Variants in GSTA1 observed in about 807,000 individuals in gnomAD.
GSTA1 encodes glutathione S-transferase alpha 1.
In GSTA1, 23 loss-of-function variants were observed where a neutral mutation model predicts 21.5. The ratio of observed to expected loss-of-function variants is 1.07; its 90% CI spans 0.77 to 1.52. The LOEUF (loss-of-function observed/expected upper bound fraction) is 1.52. GSTA1 is among the 40% of genes most tolerant of loss of function. The pLI, the probability that GSTA1 is intolerant of heterozygous loss-of-function variation, is 0.00. For missense variants in GSTA1, 301 were observed against 264.2 expected (o/e 1.14, Z -0.96); for synonymous variants, 125 against 90.0 (o/e 1.39, Z -2.20).
chr6:52,796,232 G>A lies in GSTA1; in HGVS notation c.222C>T (p.Tyr74=), dbSNP rs1428182772. The A allele has an allele frequency of 6.2e-7, 1 of 1,613,660 alleles. No individual in the cohort carries two copies. Among genetic ancestry groups the A allele is most frequent in the African/African-American group, 1.3e-5 (1 of 74,754 alleles). Reference sequence around the variant, plus strand: ...CATAGAGGTTGTATTTGCTGGCAATGTAGTTGAGAATGGCTCTGGTCTGCA... The same window carrying A: ...CATAGAGGTTGTATTTGCTGGCAATATAGTTGAGAATGGCTCTGGTCTGCA... ...KLVQTRAILN[Y]IASKYNLYGK... is the part of the protein sequence containing the mutation. The change falls in exon 4 of 7, where the codon TAC becomes TAT. Residue 74 remains tyrosine (Y), a synonymous_variant. Coordinates refer to ENST00000334575, the MANE Select transcript of GSTA1 (RefSeq NM_145740.5).
At chr6:52,801,082 T>C (rs1035683438) in intron 1 of GSTA1, among the ~76,000 whole-genome samples, 5 of 152,106 alleles carry the variant, frequency 3.3e-5, no homozygotes, top group Non-Finnish European at 7.4e-5. Context: ...GGTTTCAGCA[T>C]GTTGGACAGT....
rs1051873 is a variant in GSTA1, at chr6:52,792,886, G to C, written c.516C>G (p.Ser172=). 7 of 1,614,030 alleles carry C rather than the reference G, an allele frequency of 4.3e-6. No homozygotes were observed. Among genetic ancestry groups the C allele is most frequent in the South Asian group, 1.1e-5 (1 of 91,070 alleles). The part of the protein sequence containing the change: ...ELLYYVEELD[S]SLISSFPLLK... ...GCAGAGGGAAGCTGGAGATAAGACT[G>C]GAGTCAAGCTCCTCGACGTAGTAGA... Residue 172 remains serine (S), a synonymous_variant, in exon 6 of 7, where the codon TCC becomes TCG. Transcript: ENST00000334575.
At chr6:52,800,826 T>C (rs991577237) in intron 1 of GSTA1, among the ~76,000 whole-genome samples, 1 of 152,238 alleles carries the variant, frequency 6.6e-6, no homozygotes, top group Non-Finnish European at 1.5e-5. Context: ...CAAAGTTTTG[T>C]GGTTGTTGAG....
chr6:52,794,058 G>C (rs1303044670), intron 5 of GSTA1, 67 bp downstream of exon 5: 1 of 1,591,066 alleles, frequency 6.3e-7, no homozygotes, highest in Non-Finnish European at 8.6e-7. Flanking sequence ...ACCCAGGAAT[G>C]CCCAGCCACT....
At chr6:52,796,839 C>A (rs1763602698) in intron 3 of GSTA1, among the ~76,000 whole-genome samples, 2 of 151,956 alleles carry the variant, frequency 1.3e-5, no homozygotes, top group Admixed American at 1.3e-4. Flanking sequence ...TGCACCCAGT[C>A]CAAACAACAT....
chr6:52,794,039 A>T, intron 5 of GSTA1, 86 bp downstream of exon 5: 1 of 1,523,336 alleles, frequency 6.6e-7, no homozygotes, highest in Non-Finnish European at 9.1e-7. Context: ...CTGAAAGTGA[A>T]GATCAGTGAC....
At position 52,796,294 on chromosome 6, in the gene GSTA1, G is replaced by A. The variant is rs1763579905; in HGVS notation, c.160C>T (p.Gln54Ter). ...LRNDGYLMFQ[Q>*]VPMVEIDGMK... is the part of the protein sequence containing the mutation. ...CCATCAATCTCAACCATTGGCACTT[G>A]CTGGAACATCAAATATCCATCTTTA... Residue 54 changes from glutamine to a stop codon, truncating the protein, a stop_gained, in exon 4 of 7, where the codon CAA becomes TAA. Coordinates refer to ENST00000334575, the MANE Select transcript of GSTA1 (RefSeq NM_145740.5). LOFTEE classifies it high-confidence loss of function. The A allele has an allele frequency of 6.2e-7, 1 of 1,613,416 alleles. No homozygotes were observed. The highest frequency in any genetic ancestry group is 1.1e-5 in the South Asian group (1 of 91,046).
intron 3 of GSTA1, among the ~76,000 whole-genome samples, chr6:52,796,694 C>A (rs1490962752): frequency 6.6e-6 from 1 of 150,436 alleles, no homozygotes; most frequent in Non-Finnish European, 1.5e-5. Context: ...AGCCATGCAC[C>A]AGTGCACATG....
intron 1 of GSTA1, 133 bp from the exon 2 acceptor site, chr6:52,799,430 T>C (rs1020994319): frequency 1.1e-5 from 7 of 617,730 alleles, no homozygotes; most frequent in African/African-American, 5.7e-5. Context: ...GAGGAGTTCC[T>C]GGAATGTTTT....
At chr6:52,799,066 C>A in intron 2 of GSTA1, 115 bp downstream of exon 2, 2 of 933,842 alleles carry the variant, frequency 2.1e-6, no homozygotes, top group Middle Eastern at 2.1e-4. Context: ...TAATTACAGT[C>A]CATTTTTATT....
chr6:52,803,050 T>C (rs554783458), intron 1 of GSTA1, among the ~76,000 whole-genome samples: 3 of 152,218 alleles, frequency 2.0e-5, no homozygotes, highest in East Asian at 3.9e-4. Flanking sequence ...CCAGAGGACA[T>C]TGAGCAAGGT....
intron 1 of GSTA1, among the ~76,000 whole-genome samples, chr6:52,800,761 T>C (rs1199858450): frequency 6.6e-6 from 1 of 152,234 alleles, no homozygotes; most frequent in Non-Finnish European, 1.5e-5. Flanking sequence ...TTAGGAACAG[T>C]TGCGTTTTCT....
chr6:52,799,426 T>C, intron 1 of GSTA1, 129 bp from the exon 2 acceptor site: 1 of 625,198 alleles, frequency 1.6e-6, no homozygotes, highest in Non-Finnish European at 2.7e-6. Context: ...GTTGGAGGAG[T>C]TCCTGGAATG....
intron 3 of GSTA1, among the ~76,000 whole-genome samples, 157 bp from the exon 4 acceptor site, chr6:52,796,471 A>ATGTGTGTGTGTG (rs1763586885): frequency 8.6e-5 from 1 of 11,602 alleles, no homozygotes; most frequent in Non-Finnish European, 1.3e-4. Context: ...ATATATATAT[A>ATGTGTGTGTGTG]TATATATATA....
intron 4 of GSTA1, among the ~76,000 whole-genome samples, chr6:52,794,763 A>G (rs1763537959): frequency 6.6e-6 from 1 of 152,126 alleles, no homozygotes; most frequent in African/African-American, 2.4e-5. Flanking sequence ...AGTTCTTTCA[A>G]TTACACCCAT....
At chr6:52,800,779 C>T (rs1443978079) in intron 1 of GSTA1, among the ~76,000 whole-genome samples, 1 of 152,166 alleles carries the variant, frequency 6.6e-6, no homozygotes, top group Non-Finnish European at 1.5e-5. Flanking sequence ...TCTCTCCAAA[C>T]CCCCAGCTCT....
chr6:52,791,598 C>G lies in GSTA1; in HGVS notation c.*260G>C, dbSNP rs1581791123. ...AAACAAACCACATAATCTATAGTTT[C>G]CTTTTTTACTGAATTTTTAATTCCA... On this transcript the variant is annotated 3_prime_UTR_variant, in exon 7 of 7. Coordinates refer to ENST00000334575, the MANE Select transcript of GSTA1 (RefSeq NM_145740.5). The G allele has an allele frequency of 5.0e-6, 2 of 402,246 alleles. No individual in the cohort carries two copies. The highest frequency in any genetic ancestry group is 1.0e-4 in the East Asian group (2 of 19,312). 24.9% of individuals were successfully genotyped at this position (402,246 alleles called of 1,614,324 possible).
At chr6:52,796,519 GTGTGTGTGTGTATA>G (rs1561912827) in intron 3 of GSTA1, among the ~76,000 whole-genome samples, 19 of 12,396 alleles carry the variant, frequency 1.5e-3, no homozygotes, top group African/African-American at 4.1e-3. Context: ...GTGTGTGTGT[GTGTGTGTGTGTATA>G]TATATATATA....
At chr6:52,802,302 A>C (rs1257466207) in intron 1 of GSTA1, among the ~76,000 whole-genome samples, 1 of 152,182 alleles carries the variant, frequency 6.6e-6, no homozygotes, top group Non-Finnish European at 1.5e-5. Context: ...TCCCAATGAC[A>C]CTGTTTCTTA....
Sources: gnomAD v4.1 joint callset for allele counts (sites outside exome capture counted in the v4.1 genomes callset) on GRCh38, gnomAD v4.1.1 for gene constraint, MANE v1.5 for transcripts, NCBI Gene and HGNC (gene_info 2026-07-23, HGNC 2026-07-21) for gene names.